VPS53: variants seen among roughly 807,000 people sequenced by gnomAD.
VPS53 encodes vacuolar protein sorting-associated protein 53 homolog.
In VPS53, 70 loss-of-function variants were observed where a neutral mutation model predicts 107.0. The observed-to-expected ratio is 0.65, with a 90% confidence interval of 0.54 to 0.80. The LOEUF is 0.80. VPS53 is among the 30% of genes least tolerant of loss of function. VPS53 has a pLI of 0.00. For missense variants in VPS53, 917 were observed against 1,049.4 expected (o/e 0.87, Z 1.74); for synonymous variants, 409 against 393.3 (o/e 1.04, Z -0.47).
At chr17:662,842 G>A (rs1270149436) in intron 4 of VPS53, among the ~76,000 whole-genome samples, 5,031 of 51,062 alleles carry the variant, frequency 0.099, 297 homozygotes, top group South Asian at 0.19. Context: ...AGAAAGGAAG[G>A]AAGGAAGGAA....
chr17:562,626 T>C lies in VPS53; in HGVS notation c.1433A>G (p.Tyr478Cys). Residue 478 changes from tyrosine (Y) to cysteine (C), a missense_variant, in exon 14 of 22, where the codon TAC becomes TGC. By Grantham distance (194) the Tyr-to-Cys change is radical (BLOSUM62 -2). Transcript: ENST00000437048. ...AGAGCATTGCACCATGCACTTCTTG[T>C]AGTAGACAAAGAGGTCGGCGCAGCT... ...LPSCADLFVY[Y>C]KKCMVQCSQL... The C allele has an allele frequency of 6.2e-7, 1 of 1,613,920 alleles. No homozygotes were observed. The highest frequency in any genetic ancestry group is 8.5e-7 in the Non-Finnish European group (1 of 1,179,976).
intron 14 of VPS53, among the ~76,000 whole-genome samples, chr17:561,466 C>T (rs1164381343): frequency 4.6e-5 from 7 of 152,148 alleles, no homozygotes; most frequent in East Asian, 1.9e-4. Context: ...TGAAGTTAAA[C>T]GGTAGCTGCA....
At position 560,451 on chromosome 17, in the gene VPS53, T is replaced by C. The variant is rs891878426; in HGVS notation, c.1679A>G (p.Glu560Gly). 5 of 1,612,502 alleles carry C rather than the reference T, an allele frequency of 3.1e-6. No homozygotes were observed. The highest frequency in any genetic ancestry group is 4.2e-6 in the Non-Finnish European group (5 of 1,179,954). The stretch of plus-strand genomic sequence containing the variant: ...CTGCTGGGTGGTGGCCAGACAGTAC[T>C]CTGCCGTGCTCAGGATGTTACAGAT... ...CLICNILSTAEYCLATTQQLE... is the reference protein window; with the variant it reads ...CLICNILSTAGYCLATTQQLE... The change falls in exon 15 of 22, where the codon GAG (glutamate) becomes GGG (glycine). Residue 560 changes from glutamate to glycine, a missense_variant. Physicochemically the swap from Glu to Gly is moderately conservative, Grantham distance 98. Transcript: ENST00000437048.
At chr17:683,055 C>A in intron 4 of VPS53, among the ~76,000 whole-genome samples, 1 of 151,916 alleles carries the variant, frequency 6.6e-6, no homozygotes, top group East Asian at 1.9e-4. Flanking sequence ...ACACTCGACA[C>A]AGCAAAAAAA....
At chr17:614,570 G>A (rs890354698) in intron 11 of VPS53, among the ~76,000 whole-genome samples, 1 of 152,198 alleles carries the variant, frequency 6.6e-6, no homozygotes, top group Non-Finnish European at 1.5e-5. Flanking sequence ...GCTGAAGGGA[G>A]TGCATGAGGC....
intron 12 of VPS53, among the ~76,000 whole-genome samples, chr17:599,539 GA>G (rs1434146321): frequency 6.6e-6 from 1 of 150,652 alleles, no homozygotes; most frequent in African/African-American, 2.4e-5. Flanking sequence ...TTGTTAAACA[GA>G]TGCTTGAAGG....
intron 11 of VPS53, among the ~76,000 whole-genome samples, chr17:610,071 C>T (rs557860362): frequency 1.1e-3 from 163 of 151,344 alleles, no homozygotes; most frequent in Non-Finnish European, 1.9e-3. Context: ...GCAGAGCTTG[C>T]AGTGAGCCGA....
intron 11 of VPS53, among the ~76,000 whole-genome samples, chr17:614,723 G>T (rs1399301718): frequency 6.6e-6 from 1 of 152,154 alleles, no homozygotes; most frequent in African/African-American, 2.4e-5. Flanking sequence ...GGTCTTTCAT[G>T]AGTCGTGAGC....
At chr17:526,995 C>A (rs1002494173) in intron 19 of VPS53, among the ~76,000 whole-genome samples, 8 of 152,226 alleles carry the variant, frequency 5.3e-5, no homozygotes, top group Non-Finnish European at 1.0e-4. Flanking sequence ...ACAGCTCAGG[C>A]TATCAGGAGG....
chr17:679,012 G>T (rs1485161196), intron 4 of VPS53, among the ~76,000 whole-genome samples: 1 of 152,062 alleles, frequency 6.6e-6, no homozygotes, highest in Admixed American at 6.6e-5. Flanking sequence ...ACCTTTAAGC[G>T]CTCTTCTTAC....
intron 5 of VPS53, 50 bp from the exon 6 acceptor site, chr17:656,003 G>A: frequency 6.7e-7 from 1 of 1,497,516 alleles, no homozygotes; most frequent in Non-Finnish European, 9.2e-7. Flanking sequence ...CAAGAAAGAT[G>A]TAAAACACTT....
chr17:537,246 G>A (rs528656468), intron 17 of VPS53, 70 bp from the exon 18 acceptor site: 5 of 1,555,150 alleles, frequency 3.2e-6, no homozygotes, highest in East Asian at 4.6e-5. Context: ...CTGGGGAAGG[G>A]AGGGGCTGGA....
intron 5 of VPS53, among the ~76,000 whole-genome samples, chr17:658,542 C>T (rs379248): frequency 0.49 from 63,656 of 130,836 alleles, 16,638 homozygotes; most frequent in Non-Finnish European, 0.59. Context: ...TACATCCCAC[C>T]AAAGTGAGAA....
intron 11 of VPS53, among the ~76,000 whole-genome samples, chr17:606,460 G>A (rs974367195): frequency 1.3e-5 from 2 of 152,052 alleles, no homozygotes; most frequent in Non-Finnish European, 2.9e-5. Context: ...TCAGGCGTGA[G>A]CTACACAGTT....
intron 19 of VPS53, chr17:532,107 C>T (rs929745670): frequency 6.6e-6 from 1 of 150,936 alleles, no homozygotes; most frequent in African/African-American, 2.4e-5. Flanking sequence ...ACCATCACGC[C>T]CGGCTAATTT....
Position 628,244 on chromosome 17 carries a change from A to G in VPS53, c.688-13T>C. On this transcript the variant is annotated splice_polypyrimidine_tract_variant and intron_variant, in intron 8 of 21. Coordinates refer to ENST00000437048, the MANE Select transcript of VPS53 (RefSeq NM_001128159.3). ...GTCCTCCTGGTCTCTAGTAAAACAA[A>G]CATGTACCAGGTGAAAAGCCAGAAA... 1 of 1,611,856 alleles carries G rather than the reference A, an allele frequency of 6.2e-7. No individual in the cohort carries two copies. Among genetic ancestry groups the G allele is most frequent in the Non-Finnish European group, 8.5e-7 (1 of 1,179,436 alleles).
intron 13 of VPS53, among the ~76,000 whole-genome samples, chr17:571,599 G>A (rs1203279174): frequency 6.6e-6 from 1 of 151,668 alleles, no homozygotes; most frequent in Non-Finnish European, 1.5e-5. Flanking sequence ...CCGAGCCGAA[G>A]CTGGACTGTG....
At chr17:551,561 T>C in intron 17 of VPS53, 1 of 161,940 alleles carries the variant, frequency 6.2e-6, no homozygotes. Flanking sequence ...AGAGAGACCC[T>C]GTCTCTAAAA....
At chr17:678,001 GT>G (rs1231937927) in intron 4 of VPS53, among the ~76,000 whole-genome samples, 2 of 152,120 alleles carry the variant, frequency 1.3e-5, no homozygotes, top group Non-Finnish European at 2.9e-5. Context: ...AGTGCCTGTA[GT>G]CCCAGCTACT....
Sources: allele counts gnomAD v4.1 joint callset (sites outside exome capture counted in the v4.1 genomes callset), GRCh38; gene constraint gnomAD v4.1.1; transcripts MANE v1.5; gene names NCBI Gene and HGNC (gene_info 2026-07-23, HGNC 2026-07-21).